SKOR2: variants seen among roughly 807,000 people sequenced by gnomAD.
The protein encoded by SKOR2 is LBX1 corepressor 1-like protein.
Under a neutral mutation model 69.1 loss-of-function variants are expected in SKOR2, and 47 were observed. The observed-to-expected ratio is 0.68, with a 90% confidence interval of 0.54 to 0.87. The LOEUF is 0.87. Among genes scored for constraint, SKOR2 ranks in the 40% least tolerant of loss-of-function variants. The probability of loss-of-function intolerance (pLI) is 0.00; values close to 1 mark genes in which losing one functional copy is unlikely to be tolerated. For missense variants in SKOR2, 1,404 were observed against 1,472.2 expected (o/e 0.95, Z 0.76); for synonymous variants, 717 against 672.6 (o/e 1.07, Z -1.02).
At chr18:47,229,950 A>G (rs1032852564) in intron 6 of SKOR2, among the ~76,000 whole-genome samples, 6 of 152,150 alleles carry the variant, frequency 3.9e-5, no homozygotes, top group African/African-American at 1.4e-4. Flanking sequence ...AAAACTACTA[A>G]AATTATAACA....
intron 6 of SKOR2, among the ~76,000 whole-genome samples, chr18:47,223,148 C>T (rs2064167126): frequency 1.3e-5 from 2 of 151,996 alleles, no homozygotes; most frequent in South Asian, 2.1e-4. Context: ...ATACTTGCAA[C>T]ATGTCAAAGA....
intron 7 of SKOR2, among the ~76,000 whole-genome samples, chr18:47,215,198 A>G (rs914419066): frequency 3.3e-5 from 5 of 152,196 alleles, no homozygotes; most frequent in African/African-American, 4.8e-5. Flanking sequence ...CTACTGCTAG[A>G]GAATTTTAAG....
intron 7 of SKOR2, 84 bp from the exon 8 acceptor site, chr18:47,212,235 C>T (rs2064130044): frequency 2.6e-6 from 3 of 1,161,324 alleles, no homozygotes; most frequent in South Asian, 4.4e-5. Context: ...TCATGCCTAA[C>T]AATTTGAATG....
At position 47,247,510 on chromosome 18, in the gene SKOR2, G is replaced by C; in HGVS notation, c.1674C>G (p.Phe558Leu). The stretch of plus-strand genomic sequence containing the variant: ...CGCCGCTGCCGCCCGGGGGCGACTC[G>C]AAGAGCGCGTCGCGAGAGCCGGCGC... ...AGGAGSRDALFESPPGGSGGD... is the reference protein window; with the variant it reads ...AGGAGSRDALLESPPGGSGGD... Residue 558 changes from phenylalanine to leucine, a missense_variant, in exon 2 of 9, where the codon TTC becomes TTG. Coordinates refer to ENST00000425639, the MANE Select transcript of SKOR2 (RefSeq NM_001278063.4). This position sits in a 1 kb window ranked among gnomAD's most constrained non-coding sequence, Gnocchi z 6.6. 1 of 1,210,714 alleles carries C rather than the reference G, an allele frequency of 8.3e-7. No individual in the cohort carries two copies. The highest frequency in any genetic ancestry group is 1.0e-6 in the Non-Finnish European group (1 of 975,516). 75.0% of individuals were successfully genotyped at this position (1,210,714 alleles called of 1,614,324 possible).
At position 47,247,344 on chromosome 18, in the gene SKOR2, C is replaced by G; in HGVS notation, c.1840G>C (p.Gly614Arg). The G allele has an allele frequency of 6.8e-7, 1 of 1,471,882 alleles. No individual in the cohort carries two copies. Among genetic ancestry groups the G allele is most frequent in the African/African-American group, 1.5e-5 (1 of 68,478 alleles). 91.2% of individuals were successfully genotyped at this position (1,471,882 alleles called of 1,614,324 possible). Residue 614 changes from glycine to arginine, a missense_variant, in exon 2 of 9, where the codon GGC (glycine) becomes CGC (arginine). Physicochemically the swap from Gly to Arg is moderately radical, Grantham distance 125. Transcript: ENST00000425639. This position sits in a 1 kb window ranked among gnomAD's most constrained non-coding sequence, Gnocchi z 6.6. ...HPHLLEGRKA[G>R]GGSYHHSSAF... Reference sequence around the variant, plus strand: ...CTGGAATGGTGGTAGCTGCCACCGCCCGCTTTGCGCCCCTCCAGAAGGTGC... The same window carrying G: ...CTGGAATGGTGGTAGCTGCCACCGCGCGCTTTGCGCCCCTCCAGAAGGTGC...
chr18:47,220,095 C>T lies in SKOR2; in HGVS notation c.2918-85G>A, dbSNP rs1469631187. On this transcript the variant is annotated intron_variant, in intron 6 of 8. Transcript: ENST00000425639. ...GCTAGTAAAAACATTATTGACAGTC[C>T]CATGGACAGCCCCCCTACTTTTAAG... The T allele has an allele frequency of 5.6e-6, 6 of 1,075,580 alleles. No individual in the cohort carries two copies. In the African/African-American group the frequency reaches 8.0e-5, roughly 14 times the overall value. The allele number at this position is 1,075,580 out of a possible 1,614,324, so 66.6% of individuals were successfully genotyped here.
intron 7 of SKOR2, among the ~76,000 whole-genome samples, chr18:47,214,979 A>G (rs1409435168): frequency 7.6e-6 from 1 of 131,418 alleles, no homozygotes; most frequent in African/African-American, 2.8e-5. Flanking sequence ...ATAGTAGATC[A>G]AAAGTACTGG....
intron 6 of SKOR2, among the ~76,000 whole-genome samples, chr18:47,225,071 A>G (rs926307816): frequency 6.6e-6 from 1 of 152,204 alleles, no homozygotes. Context: ...AAGGAAGGGA[A>G]CCACTGAACA....
chr18:47,220,516 G>T (rs534447667), intron 6 of SKOR2, among the ~76,000 whole-genome samples: 1 of 152,180 alleles, frequency 6.6e-6, no homozygotes, highest in East Asian at 1.9e-4. Flanking sequence ...GAATACTTCG[G>T]CCTGACTCCC....
At chr18:47,231,673 G>A (rs1169918937) in intron 4 of SKOR2, among the ~76,000 whole-genome samples, 5 of 151,826 alleles carry the variant, frequency 3.3e-5, no homozygotes, top group African/African-American at 9.7e-5. Flanking sequence ...GAGAAACCCC[G>A]TCTCTATGAA....
At chr18:47,224,596 C>T (rs907303663) in intron 6 of SKOR2, among the ~76,000 whole-genome samples, 6 of 149,576 alleles carry the variant, frequency 4.0e-5, no homozygotes, top group African/African-American at 1.5e-4. Flanking sequence ...ATTTTGTTAT[C>T]TCTATTTTTA....
rs147856519 is a variant in SKOR2, at chr18:47,218,183, C to G, written c.2985+1760G>C. Among the ~76,000 whole-genome samples the G allele has an allele frequency of 2.1e-3, 313 of 152,226 alleles. 1 individual carries two copies. The highest frequency in any genetic ancestry group is 7.1e-3 in the African/African-American group (294 of 41,540). Reference sequence around the variant, plus strand: ...ACATAACTGGCCTTAAATAAGGGCACTAAAAGAAATACTGTTTCCTTTCCT... The same window carrying G: ...ACATAACTGGCCTTAAATAAGGGCAGTAAAAGAAATACTGTTTCCTTTCCT... On this transcript the variant is annotated intron_variant, in intron 7 of 8. Coordinates refer to ENST00000425639, the MANE Select transcript of SKOR2 (RefSeq NM_001278063.4).
chr18:47,240,939 A>G (rs1343973078), intron 4 of SKOR2, among the ~76,000 whole-genome samples: 1 of 152,234 alleles, frequency 6.6e-6, no homozygotes, highest in Non-Finnish European at 1.5e-5. Flanking sequence ...CTATATAAGC[A>G]TAGAAATAAA....
chr18:47,238,812 C>G (rs1308878712), intron 4 of SKOR2, among the ~76,000 whole-genome samples: 1 of 152,158 alleles, frequency 6.6e-6, no homozygotes, highest in Non-Finnish European at 1.5e-5. Flanking sequence ...AGAAGAGAAG[C>G]CATCTCCTGC....
In SKOR2 at chr18:47,219,914, A is replaced by G; in HGVS notation, c.2985+29T>C. The G allele has an allele frequency of 3.3e-6, 5 of 1,526,584 alleles. 1 individual carries two copies. In the South Asian group the frequency reaches 4.8e-5, roughly 15 times the overall value. 94.6% of individuals were successfully genotyped at this position (1,526,584 alleles called of 1,614,324 possible). A position where few individuals can be genotyped will look rare whatever the true frequency, so the allele number is the denominator to read the frequency against. On this transcript the variant is annotated intron_variant, in intron 7 of 8. Coordinates refer to ENST00000425639, the MANE Select transcript of SKOR2 (RefSeq NM_001278063.4). The stretch of plus-strand genomic sequence containing the variant: ...TCTGAAAACAAACCAATTAAGTTGC[A>G]TTTATTTTTAAGTAGAAATGCAGCT...
chr18:47,231,859 A>G (rs1022248861), intron 4 of SKOR2, among the ~76,000 whole-genome samples: 1 of 143,452 alleles, frequency 7.0e-6, no homozygotes, highest in African/African-American at 2.5e-5. Flanking sequence ...AAAAAAAAAA[A>G]TCAACTTAAA....
At chr18:47,233,060 T>C (rs1194407039) in intron 4 of SKOR2, among the ~76,000 whole-genome samples, 2 of 152,198 alleles carry the variant, frequency 1.3e-5, no homozygotes, top group South Asian at 2.1e-4. Flanking sequence ...TGTGCATGTG[T>C]GTGTGTGTGT....
rs2064287352 is a variant in SKOR2 at position 47,247,714 on chromosome 18, C to G, written c.1470G>C (p.Gln490His). Reference protein sequence around the residue: ...PVPTYLQPPPQPPSALGCALG... With the variant: ...PVPTYLQPPPHPPSALGCALG... ...GCGCGCAGCCTAGCGCCGAGGGCGG[C>G]TGAGGCGGGGGCTGCAGGTAGGTGG... The change falls in exon 2 of 9, where the codon CAG (glutamine) becomes CAC (histidine). Residue 490 changes from glutamine to histidine, a missense_variant. Physicochemically the swap from Gln to His is conservative, Grantham distance 24 (BLOSUM62 0). Coordinates refer to ENST00000425639, the MANE Select transcript of SKOR2 (RefSeq NM_001278063.4). The surrounding 1 kb of genome is among the most constrained non-coding windows in gnomAD (Gnocchi z 6.6). The G allele has an allele frequency of 1.9e-5, 26 of 1,360,720 alleles. No homozygotes were observed. Among genetic ancestry groups the G allele is most frequent in the Non-Finnish European group, 2.4e-5 (26 of 1,066,490 alleles). The allele number at this position is 1,360,720 out of a possible 1,614,324, so 84.3% of individuals were successfully genotyped here. A position where few individuals can be genotyped will look rare whatever the true frequency, so the allele number is the denominator to read the frequency against.
intron 4 of SKOR2, among the ~76,000 whole-genome samples, chr18:47,234,276 T>C (rs1717224036): frequency 6.6e-6 from 1 of 152,172 alleles, no homozygotes; most frequent in African/African-American, 2.4e-5. Context: ...GGCAGTCTAA[T>C]ACTAGATTAA....
Sources: gnomAD v4.1 joint callset for allele counts (sites outside exome capture counted in the v4.1 genomes callset) on GRCh38, gnomAD v4.1.1 for gene constraint, Gnocchi (gnomAD v3.1) non-coding constraint, MANE v1.5 for transcripts, NCBI Gene and HGNC (gene_info 2026-07-23, HGNC 2026-07-21) for gene names.